Variants in PDE1A observed in about 807,000 individuals in gnomAD.
The protein encoded by PDE1A is dual specificity calcium/calmodulin-dependent 3',5'-cyclic nucleotide phosphodiesterase 1A.
Under a neutral mutation model 61.7 loss-of-function variants are expected in PDE1A, and 35 were observed. The observed-to-expected ratio is 0.57, with a 90% confidence interval of 0.43 to 0.75. The LOEUF is 0.75. Ranked by LOEUF, PDE1A falls within the 30% of genes least tolerant of loss-of-function variation. The pLI is 0.00. For synonymous variants in PDE1A, 232 were observed against 213.2 expected (o/e 1.09, Z -0.77); for missense variants, 597 against 630.6 (o/e 0.95, Z 0.57).
chr2:182,695,929 C>G, the PDE1A span, among the ~76,000 whole-genome samples: 1 of 152,162 alleles, frequency 6.6e-6, no homozygotes, highest in Non-Finnish European at 1.5e-5. Flanking sequence ...ACATACCTAT[C>G]AGAATGGCCA....
chr2:182,171,702 G>A (rs1346245772), intron 13 of PDE1A, among the ~76,000 whole-genome samples: 1 of 151,310 alleles, frequency 6.6e-6, no homozygotes, highest in South Asian at 2.1e-4. Context: ...TCTGTCCTTG[G>A]TGTGAGCATT....
chr2:182,463,651 CA>C (rs1460800691), intron 2 of PDE1A: 1 of 152,172 alleles, frequency 6.6e-6, no homozygotes, highest in African/African-American at 2.4e-5. Context: ...TTTCCACTCA[CA>C]TATGGCTCTA....
chr2:182,253,454 G>A (rs2125741050), intron 2 of PDE1A, among the ~76,000 whole-genome samples: 1 of 152,266 alleles, frequency 6.6e-6, no homozygotes, highest in Middle Eastern at 3.4e-3. Context: ...CAAGATGGCT[G>A]TATTCACTGT....
chr2:182,530,293 T>C, the PDE1A span, among the ~76,000 whole-genome samples: 1 of 151,772 alleles, frequency 6.6e-6, no homozygotes, highest in Admixed American at 6.6e-5. Flanking sequence ...AGAGAAATTT[T>C]AAACCACAGT....
At chr2:182,612,635 A>G in the PDE1A span, among the ~76,000 whole-genome samples, 1 of 152,250 alleles carries the variant, frequency 6.6e-6, no homozygotes, top group Admixed American at 6.5e-5. Context: ...GCAAGAACGA[A>G]AATGGCTTTC....
intron 2 of PDE1A, among the ~76,000 whole-genome samples, chr2:182,261,002 T>G (rs1171103506): frequency 1.3e-5 from 2 of 152,236 alleles, no homozygotes; most frequent in African/African-American, 4.8e-5. Context: ...TAATAGAGTT[T>G]CTATTTCATA....
At chr2:182,381,602 A>G (rs901106273) in intron 1 of PDE1A, among the ~76,000 whole-genome samples, 1 of 152,150 alleles carries the variant, frequency 6.6e-6, no homozygotes, top group East Asian at 1.9e-4. Flanking sequence ...TCACGAGATC[A>G]GGAGTTTGAG....
At chr2:182,645,525 T>C in the PDE1A span, among the ~76,000 whole-genome samples, 1 of 152,298 alleles carries the variant, frequency 6.6e-6, no homozygotes, top group East Asian at 1.9e-4. Flanking sequence ...ACTTATCTTT[T>C]TTTGTCAAAT....
intron 1 of PDE1A, among the ~76,000 whole-genome samples, chr2:182,266,756 G>A (rs1692660500): frequency 6.6e-6 from 1 of 152,102 alleles, no homozygotes; most frequent in Non-Finnish European, 1.5e-5. Context: ...TTCTCTTGCT[G>A]TCTGGAATGC....
the PDE1A span, among the ~76,000 whole-genome samples, chr2:182,600,195 T>C: frequency 1.3e-5 from 2 of 152,354 alleles, no homozygotes; most frequent in African/African-American, 4.8e-5. Flanking sequence ...TTCAAAATGC[T>C]CCTGCTTTTT....
the PDE1A span, among the ~76,000 whole-genome samples, chr2:182,619,337 A>C: frequency 6.6e-6 from 1 of 152,058 alleles, no homozygotes; most frequent in Admixed American, 6.6e-5. Flanking sequence ...ACCCAGAAAA[A>C]CGCTATAGAT....
chr2:182,215,655 A>G (rs1688104763), intron 7 of PDE1A, among the ~76,000 whole-genome samples: 1 of 128,160 alleles, frequency 7.8e-6, no homozygotes, highest in African/African-American at 3.1e-5. Context: ...CAAATAAACT[A>G]GAAAATCTAG....
At chr2:182,539,177 T>C in the PDE1A span, among the ~76,000 whole-genome samples, 4 of 152,194 alleles carry the variant, frequency 2.6e-5, no homozygotes, top group African/African-American at 9.7e-5. Context: ...TAGGGTTTCA[T>C]AGAGATAGGG....
At chr2:182,355,038 G>A (rs1699098570) in intron 1 of PDE1A, among the ~76,000 whole-genome samples, 1 of 151,944 alleles carries the variant, frequency 6.6e-6, no homozygotes, top group African/African-American at 2.4e-5. Context: ...TCACTTAATG[G>A]AGTATTTATT....
chr2:182,560,819 G>A, the PDE1A span, among the ~76,000 whole-genome samples: 1 of 152,088 alleles, frequency 6.6e-6, no homozygotes, highest in Non-Finnish European at 1.5e-5. Context: ...GGCCAGTGAT[G>A]GTGAGCATTT....
downstream of PDE1A, chr2:182,142,427 A>T (rs1341143631): frequency 6.6e-6 from 1 of 152,192 alleles, no homozygotes; most frequent in South Asian, 2.1e-4. Flanking sequence ...ATGAGAGTTT[A>T]CAAAGGTGTT....
At chr2:182,645,424 T>A in the PDE1A span, among the ~76,000 whole-genome samples, 2 of 152,246 alleles carry the variant, frequency 1.3e-5, no homozygotes, top group African/African-American at 4.8e-5. Context: ...AATCTATCTT[T>A]TTTCACATTT....
chr2:182,690,629 A>G, the PDE1A span, among the ~76,000 whole-genome samples: 5 of 152,362 alleles, frequency 3.3e-5, no homozygotes, highest in East Asian at 9.6e-4. Context: ...CAAGACAGGG[A>G]TGCCCTCTCT....
chr2:182,162,628 C>T (rs193043166), intron 13 of PDE1A, among the ~76,000 whole-genome samples: 10 of 152,256 alleles, frequency 6.6e-5, no homozygotes, highest in Admixed American at 4.6e-4. Context: ...TTCTCTTATA[C>T]TTCCCCAAAG....
Sources: allele counts gnomAD v4.1 joint callset (sites outside exome capture counted in the v4.1 genomes callset), GRCh38; gene constraint gnomAD v4.1.1; transcripts MANE v1.5; gene names NCBI Gene and HGNC (gene_info 2026-07-23, HGNC 2026-07-21).